CRACD: variants seen among roughly 807,000 people sequenced by gnomAD.
The protein encoded by CRACD is capping protein-inhibiting regulator of actin dynamics.
Under a neutral mutation model 106.8 loss-of-function variants are expected in CRACD, and 56 were observed. The ratio of observed to expected loss-of-function variants is 0.52; its 90% CI spans 0.42 to 0.66. CRACD has a LOEUF of 0.66. Ranked by LOEUF, CRACD falls within the 30% of genes least tolerant of loss-of-function variation. The probability of loss-of-function intolerance (pLI) is 0.00; values close to 1 mark genes in which losing one functional copy is unlikely to be tolerated. For synonymous variants in CRACD, 754 were observed against 670.8 expected, an observed-to-expected ratio of 1.12 and a Z score of -1.92; for missense variants, 1,730 against 1,623.2, an observed-to-expected ratio of 1.07 and a Z score of -1.13.
At chr4:56,268,329 T>C (rs1375516423) in intron 2 of CRACD, among the ~76,000 whole-genome samples, 4 of 152,196 alleles carry the variant, frequency 2.6e-5, no homozygotes, top group African/African-American at 9.7e-5. Flanking sequence ...TCTCGAAAGC[T>C]AAATCTGTGG....
At chr4:56,247,039 A>C (rs1207052858) in intron 2 of CRACD, among the ~76,000 whole-genome samples, 1 of 152,180 alleles carries the variant, frequency 6.6e-6, no homozygotes, top group African/African-American at 2.4e-5. Context: ...GCACTTTTAT[A>C]AGCTTTGTTG....
intron 3 of CRACD, among the ~76,000 whole-genome samples, chr4:56,272,824 A>G (rs1297888672): frequency 6.6e-6 from 1 of 150,410 alleles, no homozygotes; most frequent in African/African-American, 2.5e-5. Flanking sequence ...GCTTGAACCC[A>G]GGAGGTGGAG....
At chr4:56,125,770 T>C (rs1470029147) in intron 1 of CRACD, among the ~76,000 whole-genome samples, 4 of 140,496 alleles carry the variant, frequency 2.8e-5, no homozygotes, top group Admixed American at 2.8e-4. Flanking sequence ...TCTTCTTTTT[T>C]TTTTTTTTTT....
At chr4:56,133,790 A>T (rs1191430903) in intron 1 of CRACD, among the ~76,000 whole-genome samples, 1 of 152,244 alleles carries the variant, frequency 6.6e-6, no homozygotes, top group African/African-American at 2.4e-5. Flanking sequence ...ATACATACAC[A>T]TATTTACTCG....
At chr4:56,127,030 C>A (rs890922925) in intron 1 of CRACD, among the ~76,000 whole-genome samples, 1 of 152,088 alleles carries the variant, frequency 6.6e-6, no homozygotes, top group Non-Finnish European at 1.5e-5. Flanking sequence ...GGAGATGGGG[C>A]CTTTTTGGGA....
intron 3 of CRACD, among the ~76,000 whole-genome samples, chr4:56,275,977 C>A (rs1742650977): frequency 6.6e-6 from 1 of 152,172 alleles, no homozygotes; most frequent in South Asian, 2.1e-4. Flanking sequence ...TCCCAAGAAT[C>A]TGAAATTCTA....
At chr4:56,071,941 C>T (rs1732667859) in intron 1 of CRACD, among the ~76,000 whole-genome samples, 1 of 151,804 alleles carries the variant, frequency 6.6e-6, no homozygotes, top group Non-Finnish European at 1.5e-5. Context: ...TCCTGGCTAA[C>T]ACAGTGAAAC....
chr4:56,054,686 A>G (rs1010904075), intron 1 of CRACD, among the ~76,000 whole-genome samples: 3 of 152,238 alleles, frequency 2.0e-5, no homozygotes, highest in African/African-American at 7.2e-5. Flanking sequence ...GTGGAAATAA[A>G]AAAACTGAGT....
At position 56,314,561 on chromosome 4, in the gene CRACD, A is replaced by G. The variant is rs1198094605; in HGVS notation, c.1059A>G (p.Arg353=). The G allele has an allele frequency of 2.0e-6, 3 of 1,508,068 alleles. No homozygotes were observed. The highest frequency in any genetic ancestry group is 2.7e-6 in the Non-Finnish European group (3 of 1,131,188). 93.4% of individuals were successfully genotyped at this position (1,508,068 alleles called of 1,614,324 possible). ...GGCGGCAGGAGGAGGAGGAAGGAAG[A>G]TGCGCGGAGGAGCTCAAAAGGCAGG... ...ERRRQEEEEG[R]CAEELKRQEE... Residue 353 remains arginine, a synonymous_variant, in exon 8 of 11, where the codon AGA becomes AGG. Coordinates refer to ENST00000682029, the MANE Select transcript of CRACD (RefSeq NM_001393381.1). The surrounding 1 kb of genome is among the most constrained non-coding windows in gnomAD (Gnocchi z 4.4).
chr4:56,253,151 G>C (rs1443501368), intron 2 of CRACD, among the ~76,000 whole-genome samples: 1 of 152,086 alleles, frequency 6.6e-6, no homozygotes, highest in East Asian at 1.9e-4. Context: ...AAACGACTTG[G>C]CTCTCTTTTA....
At chr4:56,072,654 G>T (rs1370993768) in intron 1 of CRACD, among the ~76,000 whole-genome samples, 1 of 151,582 alleles carries the variant, frequency 6.6e-6, no homozygotes, top group Non-Finnish European at 1.5e-5. Flanking sequence ...TGTGCAGAAC[G>T]TCCAGGTTTG....
chr4:56,059,423 C>G (rs865896831), intron 1 of CRACD, among the ~76,000 whole-genome samples: 1 of 152,170 alleles, frequency 6.6e-6, no homozygotes, highest in Non-Finnish European at 1.5e-5. Context: ...CTACAGTGAG[C>G]CGAGATTGTG....
intron 1 of CRACD, among the ~76,000 whole-genome samples, chr4:56,056,203 A>G (rs1480263839): frequency 6.6e-6 from 1 of 152,212 alleles, no homozygotes; most frequent in Non-Finnish European, 1.5e-5. Context: ...AGTAGATCAA[A>G]CCACCTAGTT....
At chr4:56,229,107 A>T (rs1255146904) in intron 2 of CRACD, among the ~76,000 whole-genome samples, 1 of 152,254 alleles carries the variant, frequency 6.6e-6, no homozygotes, top group Non-Finnish European at 1.5e-5. Flanking sequence ...AGGCATAAAC[A>T]AAATGAATTG....
At chr4:56,216,846 G>A (rs1738713060) in intron 2 of CRACD, among the ~76,000 whole-genome samples, 1 of 151,124 alleles carries the variant, frequency 6.6e-6, no homozygotes, top group Non-Finnish European at 1.5e-5. Flanking sequence ...CGGGCGCGGT[G>A]GCGGGCACCT....
intron 1 of CRACD, among the ~76,000 whole-genome samples, chr4:56,057,804 T>TAATAGAGA (rs1354572220): frequency 2.1e-4 from 23 of 107,180 alleles, no homozygotes; most frequent in Middle Eastern, 4.2e-3. Context: ...TTTGTATTTT[T>TAATAGAGA]TTTTTTTTTG....
intron 2 of CRACD, among the ~76,000 whole-genome samples, chr4:56,180,991 A>G (rs1736798319): frequency 6.6e-6 from 1 of 152,216 alleles, no homozygotes; most frequent in Non-Finnish European, 1.5e-5. Flanking sequence ...TTGAAAATGA[A>G]TGATGGATTT....
chr4:56,202,140 G>A (rs545250181), intron 2 of CRACD, among the ~76,000 whole-genome samples: 1 of 152,298 alleles, frequency 6.6e-6, no homozygotes, highest in Non-Finnish European at 1.5e-5. Flanking sequence ...AGCTAAAGCT[G>A]TTTATGTGTA....
chr4:56,055,456 C>G (rs1732024886), intron 1 of CRACD, among the ~76,000 whole-genome samples: 1 of 148,524 alleles, frequency 6.7e-6, no homozygotes, highest in African/African-American at 2.5e-5. Flanking sequence ...AAACATTACT[C>G]CAAACCCCAT....
Sources: allele counts gnomAD v4.1 joint callset (sites outside exome capture counted in the v4.1 genomes callset), GRCh38; gene constraint gnomAD v4.1.1; non-coding constraint Gnocchi (gnomAD v3.1); transcripts MANE v1.5; gene names NCBI Gene and HGNC (gene_info 2026-07-23, HGNC 2026-07-21).